Variants in MKI67 observed in about 807,000 individuals in gnomAD.
MKI67 encodes proliferation marker protein Ki-67.
A neutral mutation model predicts 233.5 loss-of-function variants in MKI67; 152 were observed. That is an observed-to-expected ratio of 0.65 (90% CI 0.57 to 0.74). MKI67 has a LOEUF of 0.74. Ranked by LOEUF, MKI67 falls within the 30% of genes least tolerant of loss-of-function variation. The pLI, the probability that MKI67 is intolerant of heterozygous loss-of-function variation, is 0.00. For missense variants in MKI67, 3,940 were observed against 3,885.2 expected, an observed-to-expected ratio of 1.01 and a Z score of -0.37; for synonymous variants, 1,465 against 1,418.5, an observed-to-expected ratio of 1.03 and a Z score of -0.74.
chr10:128,101,112 A>G (rs1182147176), intron 14 of MKI67, 146 bp downstream of exon 14: 1 of 727,866 alleles, frequency 1.4e-6, no homozygotes, highest in Non-Finnish European at 2.2e-6. Context: ...TTTATGTCTT[A>G]GCATAATGCT....
chr10:128,104,859 G>A lies in MKI67; in HGVS notation c.6981C>T (p.Gly2327=). 8.1e-6 allele frequency: 13 copies of A among 1,611,408 alleles called. No individual in the cohort carries two copies. Among genetic ancestry groups the A allele is most frequent in the Non-Finnish European group, 1.1e-5 (13 of 1,179,432 alleles). Residue 2327 remains glycine (G), a synonymous_variant, in exon 13 of 15, where the codon GGC becomes GGT. Transcript: ENST00000368654. ...TCTCATCAGTCGTGGGCTTGTCAGT[G>A]CCTGGTGTCTGGAAGAGCTCTTTGA... ...AGFKELFQTP[G]TDKPTTDEKT... is the part of the protein sequence containing the mutation.
rs1430723779 is a variant in MKI67 at position 128,105,484 on chromosome 10, C to T, written c.6356G>A (p.Arg2119Lys). 6.2e-7 allele frequency: 1 copy of T among 1,613,740 alleles called. No individual in the cohort carries two copies. Among genetic ancestry groups the T allele is most frequent in the Admixed American group, 1.7e-5 (1 of 59,976 alleles). Residue 2119 changes from arginine (R) to lysine (K), a missense_variant, in exon 13 of 15, where the codon AGG (arginine) becomes AAG (lysine). Coordinates refer to ENST00000368654, the MANE Select transcript of MKI67 (RefSeq NM_002417.5). ...ESMDTPTSTR[R>K]RPKTPLGKRD... ...TTTCCCCAAAGGTGTTTTGGGCCGCCTCCTTGTGCTTGTTGGAGTGTCCAT... is the reference window on the plus strand; with the variant it reads ...TTTCCCCAAAGGTGTTTTGGGCCGCTTCCTTGTGCTTGTTGGAGTGTCCAT...
In MKI67 at chr10:128,115,957, C is replaced by G. The variant is rs768653650; in HGVS notation, c.451G>C (p.Val151Leu). 2.5e-6 allele frequency: 4 copies of G among 1,607,612 alleles called. No individual in the cohort carries two copies. The South Asian group carries it at 3.4e-5, about 13-fold the overall frequency. The change falls in exon 7 of 15, where the codon GTT becomes CTT. Residue 151 changes from valine to leucine, a missense_variant. By Grantham distance (32) the Val-to-Leu change is conservative. Coordinates refer to ENST00000368654, the MANE Select transcript of MKI67 (RefSeq NM_002417.5). ...KAYSKITEGKVSGNPQVHIKN... is the reference protein window; with the variant it reads ...KAYSKITEGKLSGNPQVHIKN... ...ATATGTACCTGAGGATTTCCTGAAACTTTTCCTTCAGTGATTTTTGAATAG... is the reference window on the plus strand; with the variant it reads ...ATATGTACCTGAGGATTTCCTGAAAGTTTTCCTTCAGTGATTTTTGAATAG...
At chr10:128,119,951 T>C (rs570249523) in intron 4 of MKI67, among the ~76,000 whole-genome samples, 2 of 152,306 alleles carry the variant, frequency 1.3e-5, no homozygotes, top group African/African-American at 4.8e-5. Context: ...ATCCTTTATT[T>C]TGCATAATGA....
At position 128,112,254 on chromosome 10, in the gene MKI67, T is replaced by C. The variant is rs1195452899; in HGVS notation, c.1848A>G (p.Arg616=). ...GCAGGTTGCCACTCTTTCTCCCTCC[T>C]CTCTTAGGAACCTCTGTCTGAGATT... is the stretch of plus-strand genomic sequence containing the variant. ...SSKSQTEVPK[R]GGRKSGNLPS... Residue 616 remains arginine (R), a synonymous_variant, in exon 9 of 15, where the codon AGA becomes AGG. Coordinates refer to ENST00000368654, the MANE Select transcript of MKI67 (RefSeq NM_002417.5). 1.9e-6 allele frequency: 3 copies of C among 1,614,192 alleles called. No homozygotes were observed. Among genetic ancestry groups the C allele is most frequent in the South Asian group, 1.1e-5 (1 of 91,086 alleles).
chr10:128,113,345 A>T, intron 8 of MKI67, 82 bp downstream of exon 8: 4 of 1,369,522 alleles, frequency 2.9e-6, no homozygotes, highest in South Asian at 2.6e-5. Flanking sequence ...TCATAATTCT[A>T]CTTGTGTCAG....
intron 5 of MKI67, among the ~76,000 whole-genome samples, chr10:128,118,905 C>T (rs1040291454): frequency 3.9e-5 from 6 of 152,088 alleles, no homozygotes; most frequent in Non-Finnish European, 8.8e-5. Context: ...AATGACTGGG[C>T]GACAAAATGA....
In MKI67 at chr10:128,111,961, A is replaced by G. The variant is rs745564261; in HGVS notation, c.2054T>C (p.Met685Thr). The G allele has an allele frequency of 1.9e-6, 3 of 1,613,306 alleles. No homozygotes were observed. Among genetic ancestry groups the G allele is most frequent in the South Asian group, 1.1e-5 (1 of 90,770 alleles). ...AGCAGGTCTTCTTTGCCTTTTGTTC[A>G]TTGACCTTTGAGGACCATGTTTTAT... ...KVIKHGPQRS[M>T]NKRQRRPATP... Residue 685 changes from methionine (M) to threonine (T), a missense_variant, in exon 10 of 15, where the codon ATG (methionine) becomes ACG (threonine). Physicochemically the swap from Met to Thr is moderately conservative, Grantham distance 81. Transcript: ENST00000368654.
Position 128,106,474 on chromosome 10 carries a change from A to G in MKI67, c.5366T>C (p.Val1789Ala). The G allele has an allele frequency of 3.1e-6, 5 of 1,612,904 alleles. No individual in the cohort carries two copies. Among genetic ancestry groups the G allele is most frequent in the Non-Finnish European group, 4.2e-6 (5 of 1,179,732 alleles). ...GKAMHTPKPAVGEEKDINTFL... is the reference protein window; with the variant it reads ...GKAMHTPKPAAGEEKDINTFL... Reference sequence around the variant, plus strand: ...CGTGTTGATGTCTTTCTCTTCACCTACTGCTGGTTTGGGTGTGTGCATGGC... The same window carrying G: ...CGTGTTGATGTCTTTCTCTTCACCTGCTGCTGGTTTGGGTGTGTGCATGGC... Residue 1789 changes from valine to alanine, a missense_variant, in exon 13 of 15, where the codon GTA (valine) becomes GCA (alanine). Val to Ala is a moderately conservative substitution (Grantham distance 64). Transcript: ENST00000368654.
In MKI67 at chr10:128,104,454, T is replaced by C. The variant is rs1852424532; in HGVS notation, c.7386A>G (p.Val2462=). The change falls in exon 13 of 15, where the codon GTA becomes GTG. Residue 2462 remains valine, a synonymous_variant. Coordinates refer to ENST00000368654, the MANE Select transcript of MKI67 (RefSeq NM_002417.5). ...ESMTDDKITE[V]SCKSPQPESF... is the part of the protein sequence containing the mutation. Reference sequence around the variant, plus strand: ...ACTCTGGCTGTGGAGATTTACAGGATACTTCTGTGATTTTGTCATCAGTCA... The same window carrying C: ...ACTCTGGCTGTGGAGATTTACAGGACACTTCTGTGATTTTGTCATCAGTCA... 9 of 1,613,930 alleles carry C rather than the reference T, an allele frequency of 5.6e-6. No homozygotes were observed. The highest frequency in any genetic ancestry group is 7.6e-6 in the Non-Finnish European group (9 of 1,179,984).
At chr10:128,117,518 C>CAT (rs1051387572) in intron 5 of MKI67, among the ~76,000 whole-genome samples, 14 of 152,230 alleles carry the variant, frequency 9.2e-5, no homozygotes, top group African/African-American at 1.4e-4. Flanking sequence ...TAAAGAATAA[C>CAT]ATATATATAT....
chr10:128,099,490 A>G (rs1432960093), intron 14 of MKI67, among the ~76,000 whole-genome samples: 1 of 152,220 alleles, frequency 6.6e-6, no homozygotes, highest in Non-Finnish European at 1.5e-5. Context: ...TGATCTTTTC[A>G]TACAGAAGTT....
chr10:128,109,474 A>G (rs1852621356), intron 12 of MKI67, 51 bp from the exon 13 acceptor site: 1 of 1,555,482 alleles, frequency 6.4e-7, no homozygotes, highest in South Asian at 1.2e-5. Flanking sequence ...TCTCATGTCA[A>G]TCGAGTATTA....
chr10:128,109,202 C>T lies in MKI67; in HGVS notation c.2638G>A (p.Glu880Lys), dbSNP rs1852611913. The change falls in exon 13 of 15, where the codon GAG becomes AAG. Residue 880 changes from glutamate to lysine, a missense_variant. Coordinates refer to ENST00000368654, the MANE Select transcript of MKI67 (RefSeq NM_002417.5). ...GGTAGCTTCTGTATATTCCTGAACT[C>T]TGTAGACCTTCCTGACCTGTTTGCA... The part of the protein sequence containing the change: ...STANRSGRST[E>K]FRNIQKLPVE... 1 of 1,614,078 alleles carries T rather than the reference C, an allele frequency of 6.2e-7. No individual in the cohort carries two copies. The highest frequency in any genetic ancestry group is 1.3e-5 in the African/African-American group (1 of 74,932).
intron 5 of MKI67, among the ~76,000 whole-genome samples, chr10:128,117,491 C>T (rs1565013727): frequency 6.6e-6 from 1 of 152,196 alleles, no homozygotes; most frequent in Non-Finnish European, 1.5e-5. Flanking sequence ...GAATTATTTC[C>T]GGAAGGGTGG....
At chr10:128,123,527 T>G (rs1852994144) in intron 2 of MKI67, among the ~76,000 whole-genome samples, 1 of 152,248 alleles carries the variant, frequency 6.6e-6, no homozygotes, top group Admixed American at 6.5e-5. Context: ...CAAAAACGTT[T>G]GTTTGTAATG....
intron 4 of MKI67, among the ~76,000 whole-genome samples, chr10:128,121,462 G>T (rs1289528605): frequency 3.0e-5 from 4 of 132,794 alleles, no homozygotes; most frequent in South Asian, 2.2e-4. Context: ...ATACTATATG[G>T]TATATATAAT....
intron 4 of MKI67, among the ~76,000 whole-genome samples, chr10:128,121,683 A>G (rs1224263379): frequency 6.7e-6 from 1 of 150,316 alleles, no homozygotes; most frequent in Non-Finnish European, 1.5e-5. Context: ...ATAATTAGCC[A>G]TATCTGCTCA....
Position 128,106,160 on chromosome 10 carries a change from T to C in MKI67, c.5680A>G (p.Arg1894Gly), listed in dbSNP as rs750307276. ...TTGCCTGCTGATGGTGTTAGTTTCC[T>C]GAATGCTAAAAATTCTTCCTCTACG... ...ADVEEEFLAFRKLTPSAGKAM... is the reference protein window; with the variant it reads ...ADVEEEFLAFGKLTPSAGKAM... The change falls in exon 13 of 15, where the codon AGG becomes GGG. Residue 1894 changes from arginine to glycine, a missense_variant. Transcript: ENST00000368654. 3.7e-6 allele frequency: 6 copies of C among 1,614,060 alleles called. No individual in the cohort carries two copies. The highest frequency in any genetic ancestry group is 3.4e-6 in the Non-Finnish European group (4 of 1,180,002).
Sources: allele counts gnomAD v4.1 joint callset (sites outside exome capture counted in the v4.1 genomes callset), GRCh38; gene constraint gnomAD v4.1.1; transcripts MANE v1.5; gene names NCBI Gene and HGNC (gene_info 2026-07-23, HGNC 2026-07-21).